The following AFF4 variants were observed in gnomAD, a reference collection of about 807,000 sequenced individuals.
AFF4 encodes the protein ALF transcription elongation factor 4, also known as AF4/FMR2 family member 4.
A neutral mutation model predicts 124.8 loss-of-function variants in AFF4; 13 were observed. That is an observed-to-expected ratio of 0.10 (90% CI 0.07 to 0.17). The LOEUF (loss-of-function observed/expected upper bound fraction) is 0.17. Ranked by LOEUF, AFF4 falls within the 10% of genes least tolerant of loss-of-function variation. The pLI is 1.00. For missense variants in AFF4, 1,092 were observed against 1,403.8 expected (o/e 0.78, Z 3.55); for synonymous variants, 477 against 496.1 (o/e 0.96, Z 0.51).
intron 1 of AFF4, among the ~76,000 whole-genome samples, chr5:132,961,182 G>T (rs1426267489): frequency 6.6e-6 from 1 of 152,106 alleles, no homozygotes; most frequent in East Asian, 1.9e-4. Flanking sequence ...CAGAGATGGA[G>T]CCACTGCATT....
At chr5:132,949,533 C>T (rs1761780916) in intron 1 of AFF4, among the ~76,000 whole-genome samples, 1 of 151,934 alleles carries the variant, frequency 6.6e-6, no homozygotes, top group African/African-American at 2.4e-5. Context: ...AAAATTAGGC[C>T]AGGCACGGTG....
chr5:132,942,475 T>C lies in AFF4; in HGVS notation c.-4-5282A>G, dbSNP rs4554209. On this transcript the variant is annotated intron_variant, in intron 1 of 20. Coordinates refer to ENST00000265343, the MANE Select transcript of AFF4 (RefSeq NM_014423.4). ...TCCTTTTGACCTTTTTTTTTTTTTT[T>C]TTTTTAAAGACAGAGTTTCGCTCTT... is the stretch of plus-strand genomic sequence containing the variant. Among the ~76,000 whole-genome samples, 632 of 151,664 alleles carry C rather than the reference T, an allele frequency of 4.2e-3. 2 individuals carry two copies. Among genetic ancestry groups the C allele is most frequent in the African/African-American group, 0.015 (615 of 41,400 alleles).
chr5:132,898,232 C>T lies in AFF4; in HGVS notation c.1387G>A (p.Glu463Lys), dbSNP rs746392839. ...GTACCCCACCGCCTCTGTCTCACCTCGGGAGATGCACTCTGGGATGGCTCA... is the reference window on the plus strand; with the variant it reads ...GTACCCCACCGCCTCTGTCTCACCTTGGGAGATGCACTCTGGGATGGCTCA... ...ANEPSQSASPEPEPPPTNKWQ... is the reference protein window; with the variant it reads ...ANEPSQSASPKPEPPPTNKWQ... Residue 463 changes from glutamate to lysine, a missense_variant and splice_region_variant, in exon 10 of 21, where the codon GAG becomes AAG. Glu to Lys is a moderately conservative substitution (Grantham distance 56). Around this residue, in one of 11 missense-constraint regions of AFF4, gnomAD observed 18 missense variants for 16.7 expected, o/e 1.08. Coordinates refer to ENST00000265343, the MANE Select transcript of AFF4 (RefSeq NM_014423.4). 5 of 1,613,904 alleles carry T rather than the reference C, an allele frequency of 3.1e-6. No individual in the cohort carries two copies. The highest frequency in any genetic ancestry group is 1.3e-5 in the African/African-American group (1 of 74,904).
chr5:132,902,520 G>C, intron 6 of AFF4, 33 bp from the exon 7 acceptor site: 1 of 1,506,700 alleles, frequency 6.6e-7, no homozygotes, highest in Non-Finnish European at 9.2e-7. Flanking sequence ...AGCAACTAAA[G>C]GATGGCTATT....
chr5:132,959,169 A>C (rs1224785374), intron 1 of AFF4, among the ~76,000 whole-genome samples: 1 of 148,422 alleles, frequency 6.7e-6, no homozygotes, highest in Non-Finnish European at 1.5e-5. Context: ...CTGTGTTGCC[A>C]GGCTGGAGTG....
intron 16 of AFF4, 24 bp downstream of exon 16, chr5:132,887,822 G>T (rs1405555663): frequency 6.2e-7 from 1 of 1,610,698 alleles, no homozygotes; most frequent in Non-Finnish European, 8.5e-7. Context: ...TATTGCCAAT[G>T]ATCTGCCAAG....
At chr5:132,932,880 G>C (rs530345990) in intron 3 of AFF4, among the ~76,000 whole-genome samples, 3 of 152,176 alleles carry the variant, frequency 2.0e-5, no homozygotes, top group Non-Finnish European at 2.9e-5. Context: ...TTTAAGGAAA[G>C]AACAAATTAC....
rs529044816 is a variant in AFF4, at chr5:132,929,578, GA to G, written c.964-2372del. Among the ~76,000 whole-genome samples, 167 of 151,688 alleles carry G rather than the reference GA, an allele frequency of 1.1e-3. 1 individual carries two copies. Among genetic ancestry groups the G allele is most frequent in the African/African-American group, 3.8e-3 (158 of 41,382 alleles). On this transcript the variant is annotated intron_variant, in intron 4 of 20. Transcript: ENST00000265343. ...AGAAGTATTTCATTGGGATTACAGG[GA>G]AAAAAAATCTATATATAACTGAAGA...
At chr5:132,939,134 T>C (rs765892318) in intron 1 of AFF4, among the ~76,000 whole-genome samples, 56 of 150,068 alleles carry the variant, frequency 3.7e-4, no homozygotes, top group Non-Finnish European at 8.9e-5. Context: ...AGAGAATCAC[T>C]TGAATCCAGG....
Position 132,932,217 on chromosome 5 carries a change from T to C in AFF4, c.924A>G (p.Ser308=). ...LKIPSQPLDA[S]ASGDVSCVDE... ...CCACACAGCTCACATCACCAGAAGCTGATGCCTTGAAAGAAAAAGCAGCAC... is the reference window on the plus strand; with the variant it reads ...CCACACAGCTCACATCACCAGAAGCCGATGCCTTGAAAGAAAAAGCAGCAC... Residue 308 remains serine, a synonymous_variant, in exon 4 of 21, where the codon TCA becomes TCG. Coordinates refer to ENST00000265343, the MANE Select transcript of AFF4 (RefSeq NM_014423.4). 1 of 1,606,602 alleles carries C rather than the reference T, an allele frequency of 6.2e-7. No homozygotes were observed. The highest frequency in any genetic ancestry group is 8.5e-7 in the Non-Finnish European group (1 of 1,177,184).
In AFF4 at chr5:132,899,697, G is replaced by A. The variant is rs1760501067; in HGVS notation, c.1134-56C>T. The stretch of plus-strand genomic sequence containing the variant: ...TTGGAACAGTTTACATGGTATGCCA[G>A]AGTACTAAATATCTACTAAAAATTC... On this transcript the variant is annotated intron_variant, in intron 7 of 20. Transcript: ENST00000265343. The A allele has an allele frequency of 4.8e-6, 7 of 1,471,152 alleles. No homozygotes were observed. The Admixed American group carries it at 1.3e-4, about 27-fold the overall frequency. The allele number at this position is 1,471,152 out of a possible 1,614,324, so 91.1% of individuals were successfully genotyped here. A position where few individuals can be genotyped will look rare whatever the true frequency, so the allele number is the denominator to read the frequency against.
At chr5:132,947,971 T>C (rs549335017) in intron 1 of AFF4, among the ~76,000 whole-genome samples, 6 of 152,360 alleles carry the variant, frequency 3.9e-5, no homozygotes, top group African/African-American at 1.4e-4. Context: ...TTTGCTTTCT[T>C]CATCACATCC....
At chr5:132,940,668 ACAAT>A (rs1270298549) in intron 1 of AFF4, among the ~76,000 whole-genome samples, 2 of 152,196 alleles carry the variant, frequency 1.3e-5, no homozygotes, top group Non-Finnish European at 2.9e-5. Flanking sequence ...GGTTTTTTAA[ACAAT>A]CAAAGTCACA....
Position 132,902,433 on chromosome 5 carries a change from T to C in AFF4, c.1133+9A>G. On this transcript the variant is annotated intron_variant, in intron 7 of 20. Coordinates refer to ENST00000265343, the MANE Select transcript of AFF4 (RefSeq NM_014423.4). ...GATAAATATTAAACTCATTAAGCAA[T>C]AAACTTACGATTTAGACTGGTGCCC... 1 of 1,592,606 alleles carries C rather than the reference T, an allele frequency of 6.3e-7. No homozygotes were observed. The highest frequency in any genetic ancestry group is 8.6e-7 in the Non-Finnish European group (1 of 1,160,738).
At chr5:132,885,987 T>C (rs530256237) in intron 18 of AFF4, among the ~76,000 whole-genome samples, 2 of 152,258 alleles carry the variant, frequency 1.3e-5, no homozygotes, top group South Asian at 4.1e-4. Flanking sequence ...TTGGCCAAGA[T>C]GGTCTCAATC....
chr5:132,927,245 C>T (rs748865621), intron 4 of AFF4, 38 bp from the exon 5 acceptor site: 14 of 1,578,628 alleles, frequency 8.9e-6, no homozygotes, highest in Non-Finnish European at 1.2e-5. Flanking sequence ...TCAACCAGGT[C>T]AAGGATAAAA....
chr5:132,917,430 G>A (rs1385940108), intron 5 of AFF4, among the ~76,000 whole-genome samples: 4 of 151,488 alleles, frequency 2.6e-5, no homozygotes, highest in Non-Finnish European at 4.4e-5. Context: ...ATGAAAGACT[G>A]GATACTTTCT....
At chr5:132,940,844 C>T (rs60532681) in intron 1 of AFF4, among the ~76,000 whole-genome samples, 84,094 of 151,812 alleles carry the variant, frequency 0.55, 24,291 homozygotes, top group African/African-American at 0.72. Context: ...CTGGCCAACA[C>T]GGTGAAACCC....
intron 1 of AFF4, among the ~76,000 whole-genome samples, chr5:132,953,519 G>A (rs1229620201): frequency 6.6e-6 from 1 of 151,782 alleles, no homozygotes; most frequent in African/African-American, 2.4e-5. Flanking sequence ...CAAAGTGCTG[G>A]GATTACAAGA....
Sources: gnomAD v4.1 joint callset for allele counts (sites outside exome capture counted in the v4.1 genomes callset) on GRCh38, gnomAD v4.1.1 for gene constraint, gnomAD v4.1.1 regional missense constraint, MANE v1.5 for transcripts, NCBI Gene and HGNC (gene_info 2026-07-23, HGNC 2026-07-21) for gene names.